The following FUBP1 variants were observed in gnomAD, a reference collection of about 807,000 sequenced individuals.
FUBP1 encodes far upstream element-binding protein 1.
FUBP1 carries 16 observed loss-of-function variants against 94.9 expected under a neutral mutation model. The ratio of observed to expected loss-of-function variants is 0.17; its 90% CI spans 0.11 to 0.26. The LOEUF is 0.26. Ranked by LOEUF, FUBP1 falls within the 10% of genes least tolerant of loss-of-function variation. The probability of loss-of-function intolerance (pLI) is 1.00; values close to 1 mark genes in which losing one functional copy is unlikely to be tolerated. For missense variants in FUBP1, 583 were observed against 808.6 expected, an observed-to-expected ratio of 0.72 and a Z score of 3.38; for synonymous variants, 279 against 254.9, an observed-to-expected ratio of 1.09 and a Z score of -0.90.
chr1:77,970,042 C>A (rs2102456032), intron 1 of FUBP1, 27 bp from the exon 2 acceptor site: 2 of 1,224,856 alleles, frequency 1.6e-6, no homozygotes, highest in Non-Finnish European at 2.4e-6. Context: ...AAAATACCAT[C>A]ATAAACTATT....
chr1:77,964,175 G>A lies in FUBP1; in HGVS notation c.941-13C>T. ...GTTGTCCCATCATCTTCAAAACAAAGAAACAAAATTAATTAAACAATAAAT... is the reference window on the plus strand; with the variant it reads ...GTTGTCCCATCATCTTCAAAACAAAAAAACAAAATTAATTAAACAATAAAT... On this transcript the variant is annotated splice_polypyrimidine_tract_variant and intron_variant, in intron 11 of 19. Coordinates refer to ENST00000370768, the MANE Select transcript of FUBP1 (RefSeq NM_003902.5). The A allele has an allele frequency of 6.3e-7, 1 of 1,581,508 alleles. No homozygotes were observed. Among genetic ancestry groups the A allele is most frequent in the Non-Finnish European group, 8.7e-7 (1 of 1,150,462 alleles).
At chr1:77,975,050 T>C (rs995898165) in intron 1 of FUBP1, among the ~76,000 whole-genome samples, 3 of 152,198 alleles carry the variant, frequency 2.0e-5, no homozygotes, top group Non-Finnish European at 4.4e-5. Context: ...ACAATGTACA[T>C]AGTTGTTGTA....
At chr1:77,960,142 G>T in intron 16 of FUBP1, 42 bp downstream of exon 16, 1 of 1,371,652 alleles carries the variant, frequency 7.3e-7, no homozygotes, top group Non-Finnish European at 1.0e-6. Flanking sequence ...AACAGGAGTG[G>T]AAAATAATAC....
rs1399565740 is a variant in FUBP1, at chr1:77,946,933, C to G, written c.*1833G>C. On this transcript the variant is annotated 3_prime_UTR_variant, in exon 20 of 20. Coordinates refer to ENST00000370768, the MANE Select transcript of FUBP1 (RefSeq NM_003902.5). ...TTCAAAATATCTACAATGAACTGTACTGCTATTTCCATCCTGTAGGTAATC... is the reference window on the plus strand; with the variant it reads ...TTCAAAATATCTACAATGAACTGTAGTGCTATTTCCATCCTGTAGGTAATC... 4.9e-6 allele frequency: 1 copy of G among 204,382 alleles called. No individual in the cohort carries two copies. The highest frequency in any genetic ancestry group is 2.3e-5 in the African/African-American group (1 of 43,726). 12.7% of individuals were successfully genotyped at this position (204,382 alleles called of 1,614,324 possible). A position where few individuals can be genotyped will look rare whatever the true frequency, so the allele number is the denominator to read the frequency against.
intron 1 of FUBP1, among the ~76,000 whole-genome samples, chr1:77,977,709 C>G (rs1162348759): frequency 1.3e-5 from 2 of 152,188 alleles, no homozygotes; most frequent in Non-Finnish European, 2.9e-5. Flanking sequence ...TGTTGCTAAA[C>G]ATGTTCAGAA....
rs548428808 is a variant in FUBP1, at chr1:77,948,954, C to T, written c.1927-180G>A. The T allele has an allele frequency of 5.5e-5, 54 of 983,542 alleles. No individual in the cohort carries two copies. In the African/African-American group the frequency reaches 8.1e-4, roughly 15 times the overall value. 60.9% of individuals were successfully genotyped at this position (983,542 alleles called of 1,614,324 possible). On this transcript the variant is annotated intron_variant, in intron 19 of 19. Transcript: ENST00000370768. ...TTTATTTTTAAAATCAAAGGCATTGCAGAAATATTCACCACTCAGATGCTG... is the reference window on the plus strand; with the variant it reads ...TTTATTTTTAAAATCAAAGGCATTGTAGAAATATTCACCACTCAGATGCTG...
intron 1 of FUBP1, among the ~76,000 whole-genome samples, chr1:77,972,988 C>CTAA (rs984044636): frequency 2.0e-5 from 3 of 148,006 alleles, no homozygotes; most frequent in African/African-American, 7.5e-5. Context: ...GAGTTCAACG[C>CTAA]TAATACAGCA....
chr1:77,951,640 C>G (rs1045892501), intron 18 of FUBP1, among the ~76,000 whole-genome samples: 18 of 152,116 alleles, frequency 1.2e-4, no homozygotes, highest in Non-Finnish European at 1.8e-4. Flanking sequence ...TGTTTGATGC[C>G]AGATAGTTGA....
intron 1 of FUBP1, among the ~76,000 whole-genome samples, chr1:77,972,195 C>T (rs947068744): frequency 2.6e-5 from 4 of 151,974 alleles, no homozygotes; most frequent in Admixed American, 6.6e-5. Context: ...TTGAATTGTT[C>T]CTCAGGAAAG....
chr1:77,945,442 C>T lies in FUBP1; in HGVS notation c.*3324G>A, dbSNP rs1651954186. 9.4e-6 allele frequency: 2 copies of T among 212,410 alleles called. No individual in the cohort carries two copies. Among genetic ancestry groups the T allele is most frequent in the Non-Finnish European group, 1.9e-5 (2 of 104,962 alleles). 13.2% of individuals were successfully genotyped at this position (212,410 alleles called of 1,614,324 possible). On this transcript the variant is annotated 3_prime_UTR_variant, in exon 20 of 20. Transcript: ENST00000370768. ...AGTGATCAAAAGCAGGTACATTACA[C>T]CCTATACCATATTATGTATGGGAAT...
chr1:77,962,676 G>GA, intron 14 of FUBP1, 94 bp downstream of exon 14: 1 of 680,868 alleles, frequency 1.5e-6, no homozygotes, highest in South Asian at 2.4e-5. Flanking sequence ...GACTAGTAAT[G>GA]ATACATTTTC....
intron 17 of FUBP1, chr1:77,955,587 G>A (rs1363187655): frequency 2.8e-5 from 10 of 359,558 alleles, no homozygotes; most frequent in Non-Finnish European, 5.0e-5. Flanking sequence ...TGTCAAATAA[G>A]GAAATACACT....
chr1:77,969,096 A>T (rs1373656723), intron 2 of FUBP1: 2 of 1,156,610 alleles, frequency 1.7e-6, no homozygotes, highest in Non-Finnish European at 2.3e-6. Context: ...TACACATAAA[A>T]TAAAAAGAAT....
At chr1:77,969,728 ATTT>A (rs1657162597) in intron 2 of FUBP1, among the ~76,000 whole-genome samples, 194 bp downstream of exon 2, 1 of 152,044 alleles carries the variant, frequency 6.6e-6, no homozygotes, top group Non-Finnish European at 1.5e-5. Context: ...TTTTTAAAAA[ATTT>A]TTTAAAAAAT....
In FUBP1 at chr1:77,955,309, G is replaced by A. The variant is rs748675922; in HGVS notation, c.1726C>T (p.Pro576Ser). The A allele has an allele frequency of 1.3e-6, 2 of 1,573,084 alleles. No homozygotes were observed. Among genetic ancestry groups the A allele is most frequent in the East Asian group, 4.5e-5 (2 of 44,654 alleles). The change falls in exon 18 of 20, where the codon CCA becomes TCA. Residue 576 changes from proline (P) to serine (S), a missense_variant. By Grantham distance (74) the Pro-to-Ser change is moderately conservative. Coordinates refer to ENST00000370768, the MANE Select transcript of FUBP1 (RefSeq NM_003902.5). The stretch of plus-strand genomic sequence containing the variant: ...TTGGTATAATCAACCTGTCCAGCTG[G>A]GGCTGGATTCTGCTGATCTCCTTGT... Reference protein sequence around the residue: ...NGQGDQQNPAPAGQVDYTKAW... With the variant: ...NGQGDQQNPASAGQVDYTKAW...
chr1:77,965,541 T>C (rs905491605), intron 7 of FUBP1, among the ~76,000 whole-genome samples: 2 of 152,216 alleles, frequency 1.3e-5, no homozygotes, highest in African/African-American at 2.4e-5. Context: ...AAGAACTAAA[T>C]GATTTATTTA....
chr1:77,972,210 T>C (rs927221348), intron 1 of FUBP1, among the ~76,000 whole-genome samples: 2 of 152,076 alleles, frequency 1.3e-5, no homozygotes, highest in Non-Finnish European at 2.9e-5. Flanking sequence ...GGAAAGTAAA[T>C]ACACTGCTGG....
intron 1 of FUBP1, among the ~76,000 whole-genome samples, chr1:77,972,594 CAAAA>C (rs59360608): frequency 8.2e-6 from 1 of 122,204 alleles, no homozygotes; most frequent in Non-Finnish European, 1.7e-5. Context: ...ACTAAAAATA[CAAAA>C]AAAAAAAAAA....
rs1651744650 is a variant in FUBP1, at chr1:77,944,470, C to T, written c.*4296G>A. 6.6e-6 allele frequency among the ~76,000 whole-genome samples: 1 copy of T among 151,724 alleles called. No homozygotes were observed. The highest frequency in any genetic ancestry group is 1.5e-5 in the Non-Finnish European group (1 of 67,786). ...TATATTGTGGCAAGAAAAATGAAGT[C>T]ACTAACTCAACAAAAAATAAGGTAA... On this transcript the variant is annotated 3_prime_UTR_variant, in exon 20 of 20. Transcript: ENST00000370768.
Sources: allele counts gnomAD v4.1 joint callset (sites outside exome capture counted in the v4.1 genomes callset), GRCh38; gene constraint gnomAD v4.1.1; transcripts MANE v1.5; gene names NCBI Gene and HGNC (gene_info 2026-07-23, HGNC 2026-07-21).